The following PPP1R14C variants were observed in gnomAD, a reference collection of about 807,000 sequenced individuals.
PPP1R14C encodes the protein protein phosphatase 1 regulatory inhibitor subunit 14C.
In PPP1R14C, 16 loss-of-function variants were observed where a neutral mutation model predicts 20.4. The observed-to-expected ratio is 0.78, with a 90% CI of 0.53 to 1.19. The LOEUF is 1.19. Ranked by LOEUF, PPP1R14C falls within the 50% of genes most tolerant of loss-of-function variation. The pLI is 0.00. For missense variants in PPP1R14C, 211 were observed against 220.1 expected, an observed-to-expected ratio of 0.96 and a Z score of 0.26; for synonymous variants, 91 against 91.0, an observed-to-expected ratio of 1.00 and a Z score of 0.00.
rs1216146263 is a variant in PPP1R14C, at chr6:150,149,443, A to ATTTTTTTTTTTTTTTTTTTT, written c.306+5956_306+5957insTTTTTTTTTTTTTTTTTTTT. ...CAGGCTCAAGTGATCCTCCCACCTA[A>ATTTTTTTTTTTTTTTTTTTT]TTTTTTTTTTTCTTTTTTTTTTTTT... On this transcript the variant is annotated intron_variant, in intron 1 of 3. Coordinates refer to ENST00000361131, the MANE Select transcript of PPP1R14C (RefSeq NM_030949.3). Among the ~76,000 whole-genome samples, 5 of 119,940 alleles carry ATTTTTTTTTTTTTTTTTTTT rather than the reference A, an allele frequency of 4.2e-5. 1 individual carries two copies. Among genetic ancestry groups the ATTTTTTTTTTTTTTTTTTTT allele is most frequent in the African/African-American group, 1.7e-4 (5 of 30,254 alleles). The allele number at this position is 119,940 out of a possible 152,430, so 78.7% of individuals were successfully genotyped here.
chr6:150,143,204 G>A lies in PPP1R14C; in HGVS notation c.12G>A (p.Ala4=). 1 of 1,348,420 alleles carries A rather than the reference G, an allele frequency of 7.4e-7. No individual in the cohort carries two copies. Among genetic ancestry groups the A allele is most frequent in the African/African-American group, 1.5e-5 (1 of 64,652 alleles). The allele number at this position is 1,348,420 out of a possible 1,614,324, so 83.5% of individuals were successfully genotyped here. The change falls in exon 1 of 4, where the codon GCG becomes GCA. Residue 4 remains alanine (A), a synonymous_variant. Transcript: ENST00000361131. The surrounding 1 kb of genome is among the most constrained non-coding windows in gnomAD (Gnocchi z 5.6). ...GGGCGCGCGGGGACATGTCGGTGGC[G>A]ACGGGCAGCAGCGAGACGGCCGGCG... The part of the protein sequence containing the change: MSV[A]TGSSETAGGA...
In PPP1R14C at chr6:150,185,927, A is replaced by G. The variant is rs1031262569; in HGVS notation, c.307-28817A>G. On this transcript the variant is annotated intron_variant, in intron 1 of 3. Transcript: ENST00000361131. This position sits in a 1 kb window ranked among gnomAD's most constrained non-coding sequence, Gnocchi z 4.1. ...GCACCTATCGGCTCCTAAAGCCTCT[A>G]CCAGGAAGTGCACACATCACTTCAC... Among the ~76,000 whole-genome samples the G allele has an allele frequency of 6.6e-6, 1 of 152,176 alleles. No individual in the cohort carries two copies. The highest frequency in any genetic ancestry group is 1.5e-5 in the Non-Finnish European group (1 of 68,030).
At position 150,185,454 on chromosome 6, in the gene PPP1R14C, A is replaced by C. The variant is rs1367279223; in HGVS notation, c.307-29290A>C. On this transcript the variant is annotated intron_variant, in intron 1 of 3. Transcript: ENST00000361131. The surrounding 1 kb of genome is among the most constrained non-coding windows in gnomAD (Gnocchi z 4.1). The stretch of plus-strand genomic sequence containing the variant: ...GGACCATCCTTGCATTAACCACAGG[A>C]ATTTCCAGCAACAGTCCACTACCAT... 6.6e-6 allele frequency among the ~76,000 whole-genome samples: 1 copy of C among 152,118 alleles called. No homozygotes were observed. Among genetic ancestry groups the C allele is most frequent in the African/African-American group, 2.4e-5 (1 of 41,410 alleles).
chr6:150,191,600 T>C (rs912349693), intron 1 of PPP1R14C, among the ~76,000 whole-genome samples: 3 of 152,254 alleles, frequency 2.0e-5, no homozygotes, highest in African/African-American at 7.2e-5. Flanking sequence ...TGATTGAATC[T>C]GGAAAACACT....
chr6:150,169,447 C>T (rs1168386373), intron 1 of PPP1R14C, among the ~76,000 whole-genome samples: 1 of 152,104 alleles, frequency 6.6e-6, no homozygotes, highest in Non-Finnish European at 1.5e-5. Context: ...AACTGTTGAA[C>T]AAATGCCAAT....
intron 3 of PPP1R14C, among the ~76,000 whole-genome samples, chr6:150,232,973 A>C (rs1426732086): frequency 6.6e-6 from 1 of 152,240 alleles, no homozygotes; most frequent in African/African-American, 2.4e-5. Context: ...CCTGAAGGGC[A>C]GGGACAGGTT....
chr6:150,202,660 G>A (rs1777893084), intron 1 of PPP1R14C, among the ~76,000 whole-genome samples: 1 of 152,186 alleles, frequency 6.6e-6, no homozygotes, highest in Non-Finnish European at 1.5e-5. Flanking sequence ...CCTGGTCTCA[G>A]GGCTGAAGCT....
intron 3 of PPP1R14C, among the ~76,000 whole-genome samples, chr6:150,227,260 T>C (rs1778241199): frequency 6.6e-6 from 1 of 152,206 alleles, no homozygotes; most frequent in South Asian, 2.1e-4. Context: ...ATTCATTTGC[T>C]CAACAAATGT....
chr6:150,245,950 G>C (rs563513397), intron 3 of PPP1R14C, among the ~76,000 whole-genome samples: 37 of 152,266 alleles, frequency 2.4e-4, no homozygotes, highest in Non-Finnish European at 4.3e-4. Context: ...AGTGTATTAA[G>C]ATATAGATGT....
In PPP1R14C at chr6:150,143,445, C is replaced by T. The variant is rs1452743340; in HGVS notation, c.253C>T (p.Leu85=). The T allele has an allele frequency of 6.2e-7, 1 of 1,603,878 alleles. No homozygotes were observed. The highest frequency in any genetic ancestry group is 8.5e-7 in the Non-Finnish European group (1 of 1,174,966). The change falls in exon 1 of 4, where the codon CTG becomes TTG. Residue 85 remains leucine (L), a synonymous_variant. Coordinates refer to ENST00000361131, the MANE Select transcript of PPP1R14C (RefSeq NM_030949.3). The surrounding 1 kb of genome is among the most constrained non-coding windows in gnomAD (Gnocchi z 5.6). ...CGATCGTAAGGAGCTTCGGAAGCGGCTGGTGCTGGAGGAATGGATCGTGGA... is the reference window on the plus strand; with the variant it reads ...CGATCGTAAGGAGCTTCGGAAGCGGTTGGTGCTGGAGGAATGGATCGTGGA... ...KYDRKELRKR[L]VLEEWIVEQL...
At chr6:150,195,156 G>A (rs539008265) in intron 1 of PPP1R14C, 15 of 984,600 alleles carry the variant, frequency 1.5e-5, no homozygotes, top group South Asian at 1.4e-4. Context: ...CAGAAAATGA[G>A]TTTTATGGTA....
Position 150,185,890 on chromosome 6 carries a change from G to A in PPP1R14C, c.307-28854G>A, listed in dbSNP as rs1209078724. On this transcript the variant is annotated intron_variant, in intron 1 of 3. Transcript: ENST00000361131. This position sits in a 1 kb window ranked among gnomAD's most constrained non-coding sequence, Gnocchi z 4.1. The stretch of plus-strand genomic sequence containing the variant: ...TGGCCATGACTAGCAAGGCAGGCAA[G>A]GGTCAGGCGTGGCACCTATCGGCTC... Among the ~76,000 whole-genome samples, 2 of 152,218 alleles carry A rather than the reference G, an allele frequency of 1.3e-5. No homozygotes were observed. Among genetic ancestry groups the A allele is most frequent in the Non-Finnish European group, 1.5e-5 (1 of 68,042 alleles).
intron 3 of PPP1R14C, among the ~76,000 whole-genome samples, chr6:150,222,765 CTTTTTT>C (rs4038164): frequency 2.5e-4 from 18 of 71,284 alleles, no homozygotes; most frequent in Admixed American, 7.1e-4. Flanking sequence ...TTCAAACTGG[CTTTTTT>C]TTTTTTTTTT....
intron 1 of PPP1R14C, among the ~76,000 whole-genome samples, chr6:150,177,345 A>G (rs1020036885): frequency 1.3e-5 from 2 of 152,192 alleles, no homozygotes; most frequent in Non-Finnish European, 2.9e-5. Flanking sequence ...GCCTCACTTA[A>G]TGGAGTGAGT....
intron 3 of PPP1R14C, among the ~76,000 whole-genome samples, chr6:150,234,897 C>T (rs1778340076): frequency 7.1e-6 from 1 of 140,122 alleles, no homozygotes; most frequent in Non-Finnish European, 1.5e-5. Context: ...TGCGGACGCA[C>T]ACAATAGTAT....
chr6:150,155,753 G>A (rs914896367), intron 1 of PPP1R14C, among the ~76,000 whole-genome samples: 4 of 151,968 alleles, frequency 2.6e-5, no homozygotes, highest in Non-Finnish European at 1.5e-5. Flanking sequence ...GGCTGGGCAC[G>A]GTGGCTCACA....
At chr6:150,233,947 T>C (rs1003005718) in intron 3 of PPP1R14C, among the ~76,000 whole-genome samples, 1 of 152,178 alleles carries the variant, frequency 6.6e-6, no homozygotes, top group Non-Finnish European at 1.5e-5. Context: ...GTTGTAGCTA[T>C]GGCAGTTCAC....
At chr6:150,168,945 TG>T (rs1472236335) in intron 1 of PPP1R14C, among the ~76,000 whole-genome samples, 4 of 152,342 alleles carry the variant, frequency 2.6e-5, no homozygotes, top group African/African-American at 9.6e-5. Context: ...GGTGCGATCT[TG>T]GCTCACTGCA....
chr6:150,236,613 C>CTGTGTGTGTGTGTGTGTGTGTGTGTGTG (rs142109127), intron 3 of PPP1R14C, among the ~76,000 whole-genome samples: 1,697 of 143,400 alleles, frequency 0.012, 11 homozygotes, highest in East Asian at 0.031. Context: ...GTTGGTGCCA[C>CTGTGTGTGTGTGTGTGTGTGTGTGTGTG]TGTGTGTGTG....
Sources: gnomAD v4.1 joint callset for allele counts (sites outside exome capture counted in the v4.1 genomes callset) on GRCh38, gnomAD v4.1.1 for gene constraint, Gnocchi (gnomAD v3.1) non-coding constraint, MANE v1.5 for transcripts, NCBI Gene and HGNC (gene_info 2026-07-23, HGNC 2026-07-21) for gene names.